The following UNC13C variants were observed in gnomAD, a reference collection of about 807,000 sequenced individuals.
The protein encoded by UNC13C is protein unc-13 homolog C.
Under a neutral mutation model 245.4 loss-of-function variants are expected in UNC13C, and 174 were observed. The observed-to-expected ratio is 0.71, with a 90% CI of 0.63 to 0.80. The LOEUF is 0.80. Ranked by LOEUF, UNC13C falls within the 30% of genes least tolerant of loss-of-function variation. The pLI, the probability that UNC13C is intolerant of heterozygous loss-of-function variation, is 0.00. For synonymous variants in UNC13C, 992 were observed against 895.1 expected, an observed-to-expected ratio of 1.11 and a Z score of -1.93; for missense variants, 2,829 against 2,602.9, an observed-to-expected ratio of 1.09 and a Z score of -1.89.
At chr15:54,454,124 G>GAA (rs145366923) in intron 19 of UNC13C, among the ~76,000 whole-genome samples, 5 of 87,614 alleles carry the variant, frequency 5.7e-5, no homozygotes, top group African/African-American at 2.5e-4. Flanking sequence ...TTTTTATTGT[G>GAA]ATATATATAT....
At chr15:54,170,239 G>A (rs1371195813) in intron 4 of UNC13C, among the ~76,000 whole-genome samples, 1 of 151,956 alleles carries the variant, frequency 6.6e-6, no homozygotes, top group Non-Finnish European at 1.5e-5. Flanking sequence ...ATTTGTATAT[G>A]AGAAATATAC....
At chr15:53,867,632 G>A in the UNC13C span, among the ~76,000 whole-genome samples, 2 of 152,162 alleles carry the variant, frequency 1.3e-5, no homozygotes, top group African/African-American at 4.8e-5. Context: ...CGGGGGCAGG[G>A]AACTCTGGTC....
intron 16 of UNC13C, 146 bp from the exon 17 acceptor site, chr15:54,338,215 A>C: frequency 2.2e-6 from 2 of 892,308 alleles, no homozygotes; most frequent in South Asian, 3.0e-5. Context: ...AAATGTTTAC[A>C]CATTTAAAAC....
chr15:54,519,507 A>G (rs1895125998), intron 24 of UNC13C, among the ~76,000 whole-genome samples: 1 of 152,116 alleles, frequency 6.6e-6, no homozygotes, highest in African/African-American at 2.4e-5. Flanking sequence ...ACTCTCTTTA[A>G]TTAGGATGGG....
chr15:54,585,015 C>G (rs1898413275), intron 30 of UNC13C, among the ~76,000 whole-genome samples: 1 of 152,216 alleles, frequency 6.6e-6, no homozygotes, highest in Non-Finnish European at 1.5e-5. Context: ...TTTTGATTCC[C>G]CATCACCAGA....
chr15:54,024,838 C>A (rs1455498373), intron 2 of UNC13C, among the ~76,000 whole-genome samples: 4 of 152,056 alleles, frequency 2.6e-5, no homozygotes, highest in African/African-American at 7.2e-5. Context: ...TGGCGTGAAC[C>A]CGGGAGGCGG....
intron 1 of UNC13C, among the ~76,000 whole-genome samples, chr15:53,990,761 G>A (rs1245233446): frequency 2.0e-5 from 3 of 152,092 alleles, no homozygotes; most frequent in African/African-American, 7.2e-5. Context: ...ACTGGGTGAC[G>A]ATGTATTTCT....
In UNC13C at chr15:54,627,251, A is replaced by C; in HGVS notation, c.*138A>C. The C allele has an allele frequency of 1.1e-6, 1 of 896,688 alleles. No homozygotes were observed. The highest frequency in any genetic ancestry group is 2.7e-5 in the East Asian group (1 of 36,740). The allele number at this position is 896,688 out of a possible 1,614,324, so 55.5% of individuals were successfully genotyped here. ...ACGATGTCTACAAGGTATGTAAAAAACCTGCTGAACTTTTATACCAATTCT... is the reference window on the plus strand; with the variant it reads ...ACGATGTCTACAAGGTATGTAAAAACCCTGCTGAACTTTTATACCAATTCT... On this transcript the variant is annotated 3_prime_UTR_variant, in exon 33 of 33. Transcript: ENST00000260323.
intron 2 of UNC13C, among the ~76,000 whole-genome samples, chr15:54,052,684 A>C (rs1412666540): frequency 6.6e-6 from 1 of 151,364 alleles, no homozygotes; most frequent in Non-Finnish European, 1.5e-5. Flanking sequence ...TTAATATTCA[A>C]CTCTTTATGT....
chr15:54,292,539 T>C (rs1379259948), intron 10 of UNC13C, among the ~76,000 whole-genome samples: 2 of 151,970 alleles, frequency 1.3e-5, no homozygotes, highest in African/African-American at 2.4e-5. Context: ...TATTTTGCCT[T>C]ATAAGTTAAT....
chr15:54,150,687 G>A (rs2032476120), intron 4 of UNC13C, among the ~76,000 whole-genome samples: 1 of 152,108 alleles, frequency 6.6e-6, no homozygotes, highest in Non-Finnish European at 1.5e-5. Context: ...AAGATCATTA[G>A]GTTAGCTTTT....
intron 28 of UNC13C, among the ~76,000 whole-genome samples, chr15:54,552,737 T>C (rs1371302584): frequency 4.0e-5 from 3 of 75,926 alleles, no homozygotes; most frequent in East Asian, 4.5e-4. Context: ...TATAATATAA[T>C]ATATATTATA....
At chr15:53,965,292 C>A in the UNC13C span, among the ~76,000 whole-genome samples, 1 of 152,094 alleles carries the variant, frequency 6.6e-6, no homozygotes, top group Admixed American at 6.6e-5. Context: ...TTCCCCTCCT[C>A]AGCTCGTATT....
rs1213275878 is a variant in UNC13C, at chr15:54,014,696, A to G, written c.1793A>G (p.Tyr598Cys). 6.2e-7 allele frequency: 1 copy of G among 1,613,816 alleles called. No homozygotes were observed. The highest frequency in any genetic ancestry group is 1.1e-5 in the South Asian group (1 of 91,078). ...AAACAGGAAGGAACAGCGACCCTGT[A>G]TGACAGTCCCAAGGACCAGCATTTG... ...QRKQEGTATL[Y>C]DSPKDQHLNG... is the part of the protein sequence containing the mutation. Residue 598 changes from tyrosine (Y) to cysteine (C), a missense_variant, in exon 2 of 33, where the codon TAT becomes TGT. Physicochemically the swap from Tyr to Cys is radical, Grantham distance 194. Coordinates refer to ENST00000260323, the MANE Select transcript of UNC13C (RefSeq NM_001080534.3).
intron 29 of UNC13C, among the ~76,000 whole-genome samples, chr15:54,567,305 T>A (rs1203675294): frequency 6.6e-6 from 1 of 152,174 alleles, no homozygotes; most frequent in Non-Finnish European, 1.5e-5. Context: ...TTGGCCTATA[T>A]CTGCACCACT....
At chr15:53,985,276 C>G (rs1894087129) in intron 1 of UNC13C, among the ~76,000 whole-genome samples, 1 of 151,738 alleles carries the variant, frequency 6.6e-6, no homozygotes, top group Admixed American at 6.6e-5. Context: ...AGTACATGAA[C>G]TCATACTTTT....
chr15:54,152,207 A>T (rs1365168821), intron 4 of UNC13C, among the ~76,000 whole-genome samples: 1 of 152,112 alleles, frequency 6.6e-6, no homozygotes, highest in Non-Finnish European at 1.5e-5. Flanking sequence ...CCAGGGTCTA[A>T]ATCTCAAGCC....
intron 4 of UNC13C, among the ~76,000 whole-genome samples, chr15:54,168,820 AT>A (rs1238986671): frequency 6.6e-6 from 1 of 152,202 alleles, no homozygotes; most frequent in East Asian, 1.9e-4. Flanking sequence ...CATATGATAC[AT>A]TTTTAACAAA....
rs1555404546 is a variant in UNC13C, at chr15:54,627,727, A to AGAG, written c.*615_*617dup. 3 of 152,634 alleles carry AGAG rather than the reference A, an allele frequency of 2.0e-5. No homozygotes were observed. The highest frequency in any genetic ancestry group is 1.5e-5 in the Non-Finnish European group (1 of 68,036). 9.5% of individuals were successfully genotyped at this position (152,634 alleles called of 1,614,324 possible). ...AAGCAAACTTACATAAAGCAATGCT[A>AGAG]GAGTTTGTTAACAATGTTTGATATA... On this transcript the variant is annotated 3_prime_UTR_variant, in exon 33 of 33. Transcript: ENST00000260323.
Sources: gnomAD v4.1 joint callset for allele counts (sites outside exome capture counted in the v4.1 genomes callset) on GRCh38, gnomAD v4.1.1 for gene constraint, MANE v1.5 for transcripts, NCBI Gene and HGNC (gene_info 2026-07-23, HGNC 2026-07-21) for gene names.